Variants in CYLD observed in about 807,000 individuals in gnomAD.
CYLD encodes CYLD lysine 63 deubiquitinase, also known as ubiquitin carboxyl-terminal hydrolase CYLD.
In CYLD, 26 loss-of-function variants were observed where a neutral mutation model predicts 104.5. The observed-to-expected ratio is 0.25, with a 90% CI of 0.18 to 0.35. The LOEUF (loss-of-function observed/expected upper bound fraction) is 0.35. Ranked by LOEUF, CYLD falls within the 10% of genes least tolerant of loss-of-function variation. The pLI is 1.00. For missense variants in CYLD, 703 were observed against 1,136.1 expected, an observed-to-expected ratio of 0.62 and a Z score of 5.48; for synonymous variants, 385 against 399.9, an observed-to-expected ratio of 0.96 and a Z score of 0.45.
intron 8 of CYLD, among the ~76,000 whole-genome samples, chr16:50,779,348 GT>G (rs543538632): frequency 2.2e-3 from 336 of 151,872 alleles, no homozygotes; most frequent in Admixed American, 4.2e-3. Context: ...GTTTCTTAAG[GT>G]TTTCGGTATC....
intron 3 of CYLD, 66 bp from the exon 4 acceptor site, chr16:50,751,538 G>A: frequency 6.9e-7 from 1 of 1,445,678 alleles, no homozygotes; most frequent in Non-Finnish European, 9.7e-7. Flanking sequence ...AATCCCTAGA[G>A]TGAACCCCTT....
At chr16:50,793,771 G>GT in intron 17 of CYLD, 107 bp downstream of exon 17, 1 of 825,682 alleles carries the variant, frequency 1.2e-6, no homozygotes, top group Non-Finnish European at 2.1e-6. Context: ...ATAATTAACG[G>GT]TTAAAAATTC....
chr16:50,785,529 T>TA (rs1380835934), intron 12 of CYLD: 3 of 152,198 alleles, frequency 2.0e-5, no homozygotes, highest in Non-Finnish European at 2.9e-5. Flanking sequence ...TTTTTAAACA[T>TA]ACGATTTTTT....
rs575513221 is a variant in CYLD, at chr16:50,769,820, A to G, written c.914-5346A>G. The stretch of plus-strand genomic sequence containing the variant: ...TCCCTCTTCCTCCTGCCCCATCCTT[A>G]ACCTCTGACAACCACTCATCTGCTG... On this transcript the variant is annotated intron_variant, in intron 5 of 18. Coordinates refer to ENST00000427738, the MANE Select transcript of CYLD (RefSeq NM_001378743.1). Among the ~76,000 whole-genome samples, 3 of 152,244 alleles carry G rather than the reference A, an allele frequency of 2.0e-5. No homozygotes were observed. The East Asian group carries it at 5.8e-4, about 29-fold the overall frequency.
At position 50,750,105 on chromosome 16, in the gene CYLD, G is replaced by A. The variant is rs1379197300; in HGVS notation, c.407G>A (p.Arg136Lys). Residue 136 changes from arginine to lysine, a missense_variant, in exon 3 of 19, where the codon AGA (arginine) becomes AAA (lysine). This residue lies in a region of CYLD where 142 missense variants were observed against 165.1 expected (regional missense o/e 0.86). Transcript: ENST00000427738. Reference sequence around the variant, plus strand: ...GGCTGTCCTGTGAAAGTACAGCTGAGATCTGGGGAAGAAAAATTTCCTGGA... The same window carrying A: ...GGCTGTCCTGTGAAAGTACAGCTGAAATCTGGGGAAGAAAAATTTCCTGGA... Reference protein sequence around the residue: ...DVGCPVKVQLRSGEEKFPGVV... With the variant: ...DVGCPVKVQLKSGEEKFPGVV... The A allele has an allele frequency of 1.2e-6, 2 of 1,614,138 alleles. No individual in the cohort carries two copies. The highest frequency in any genetic ancestry group is 1.7e-6 in the Non-Finnish European group (2 of 1,179,986).
In CYLD at chr16:50,801,575, A is replaced by G. The variant is rs1232486137; in HGVS notation, c.*5067A>G. 8.6e-6 allele frequency: 2 copies of G among 233,662 alleles called. No individual in the cohort carries two copies. Among genetic ancestry groups the G allele is most frequent in the Non-Finnish European group, 1.7e-5 (2 of 118,008 alleles). 14.5% of individuals were successfully genotyped at this position (233,662 alleles called of 1,614,324 possible). ...AAATGGCCTAGTACTGTGGAATTTT[A>G]ATTTTAGAAAGTCTTAGCATCAGAT... On this transcript the variant is annotated 3_prime_UTR_variant, in exon 19 of 19. Coordinates refer to ENST00000427738, the MANE Select transcript of CYLD (RefSeq NM_001378743.1).
chr16:50,772,487 A>G (rs528479061), intron 5 of CYLD, among the ~76,000 whole-genome samples: 1 of 152,346 alleles, frequency 6.6e-6, no homozygotes, highest in South Asian at 2.1e-4. Context: ...AACAATAGAT[A>G]TTAGAGATTA....
At chr16:50,791,451 C>A in intron 14 of CYLD, 107 bp from the exon 15 acceptor site, 1 of 1,150,010 alleles carries the variant, frequency 8.7e-7, no homozygotes, top group Non-Finnish European at 1.3e-6. Context: ...GCTACACCAT[C>A]AATTTTATGG....
intron 9 of CYLD, among the ~76,000 whole-genome samples, 172 bp downstream of exon 9, chr16:50,780,216 G>A (rs558105995): frequency 3.9e-5 from 6 of 152,208 alleles, no homozygotes; most frequent in East Asian, 3.9e-4. Flanking sequence ...TGAAGCTTGC[G>A]ACCCACTTGT....
At chr16:50,768,472 G>A (rs930351496) in intron 5 of CYLD, among the ~76,000 whole-genome samples, 1 of 152,170 alleles carries the variant, frequency 6.6e-6, no homozygotes, top group African/African-American at 2.4e-5. Context: ...TCTTTTCAGA[G>A]CAGTTGAATG....
chr16:50,777,896 T>C lies in CYLD; in HGVS notation c.1093T>C (p.Ser365Pro). 1 of 1,607,764 alleles carries C rather than the reference T, an allele frequency of 6.2e-7. No homozygotes were observed. Among genetic ancestry groups the C allele is most frequent in the Non-Finnish European group, 8.5e-7 (1 of 1,174,632 alleles). The change falls in exon 8 of 19, where the codon TCA becomes CCA. Residue 365 changes from serine (S) to proline (P), a missense_variant. This residue lies in a region of CYLD where 183 missense variants were observed against 212.1 expected (regional missense o/e 0.86). Coordinates refer to ENST00000427738, the MANE Select transcript of CYLD (RefSeq NM_001378743.1). ...TACCTTAAATGGGTCTTCTGTTGAC[T>C]CACAACCACAATCCAAATCAAAAAA... ...FYTLNGSSVD[S>P]QPQSKSKNTW...
At chr16:50,775,206 C>T (rs367826703) in intron 6 of CYLD, 32 bp downstream of exon 6, 224 of 1,580,848 alleles carry the variant, frequency 1.4e-4, no homozygotes, top group Non-Finnish European at 1.8e-4. Flanking sequence ...TTGGACTCCA[C>T]GGATGTATTG....
chr16:50,773,047 A>G (rs957614795), intron 5 of CYLD, among the ~76,000 whole-genome samples: 2 of 152,216 alleles, frequency 1.3e-5, no homozygotes, highest in African/African-American at 4.8e-5. Flanking sequence ...CGGGTTTAAT[A>G]ATACCTCATT....
chr16:50,794,686 T>C lies in CYLD; in HGVS notation c.2686+258T>C. 2.1e-6 allele frequency: 1 copy of C among 472,590 alleles called. No individual in the cohort carries two copies. The highest frequency in any genetic ancestry group is 3.9e-6 in the Non-Finnish European group (1 of 258,044). 29.3% of individuals were successfully genotyped at this position (472,590 alleles called of 1,614,324 possible). A position where few individuals can be genotyped will look rare whatever the true frequency, so the allele number is the denominator to read the frequency against. On this transcript the variant is annotated intron_variant, in intron 18 of 18. Coordinates refer to ENST00000427738, the MANE Select transcript of CYLD (RefSeq NM_001378743.1). This position sits in a 1 kb window ranked among gnomAD's most constrained non-coding sequence, Gnocchi z 4.1. ...CCCAGGCTGGAGTGCAGCAGCGTGATCTTGGCTCATTGCAACCTCCACCTC... is the reference window on the plus strand; with the variant it reads ...CCCAGGCTGGAGTGCAGCAGCGTGACCTTGGCTCATTGCAACCTCCACCTC...
chr16:50,764,156 T>A (rs895617393), intron 5 of CYLD, among the ~76,000 whole-genome samples: 17 of 152,188 alleles, frequency 1.1e-4, no homozygotes, highest in African/African-American at 3.6e-4. Flanking sequence ...TGGCCTATAC[T>A]TTTTCCCTTT....
At chr16:50,751,981 C>CTAAT in intron 4 of CYLD, 75 bp downstream of exon 4, 1 of 114,516 alleles carries the variant, frequency 8.7e-6, no homozygotes, top group Admixed American at 1.6e-4. Context: ...TATATATAAA[C>CTAAT]ATATATATAC....
At position 50,793,655 on chromosome 16, in the gene CYLD, C is replaced by A. The variant is rs769325996; in HGVS notation, c.2460C>A (p.Cys820Ter). ...AAATCAAGCAGTTTTGTAAAACCTG[C>A]AACACTCAAGTGAGCTTCCCTTCAC... ...AGKIKQFCKT[C>*]NTQVHLHPKR... Residue 820 changes from cysteine to a stop codon, truncating the protein, a stop_gained, in exon 17 of 19, where the codon TGC becomes TGA. Coordinates refer to ENST00000427738, the MANE Select transcript of CYLD (RefSeq NM_001378743.1). LOFTEE classifies it high-confidence loss of function. 1 of 1,606,256 alleles carries A rather than the reference C, an allele frequency of 6.2e-7. No homozygotes were observed. Among genetic ancestry groups the A allele is most frequent in the Non-Finnish European group, 8.5e-7 (1 of 1,172,894 alleles).
chr16:50,776,902 TA>T (rs1160690250), intron 7 of CYLD, among the ~76,000 whole-genome samples: 1 of 152,226 alleles, frequency 6.6e-6, no homozygotes, highest in Non-Finnish European at 1.5e-5. Flanking sequence ...TTGGCTCATT[TA>T]AAAGGAAATT....
chr16:50,748,421 G>T (rs1319316461), intron 2 of CYLD, among the ~76,000 whole-genome samples: 1 of 152,162 alleles, frequency 6.6e-6, no homozygotes, highest in Non-Finnish European at 1.5e-5. Context: ...AGTTGCTCAT[G>T]CCTGTAATCC....
Sources: gnomAD v4.1 joint callset for allele counts (sites outside exome capture counted in the v4.1 genomes callset) on GRCh38, gnomAD v4.1.1 for gene constraint, gnomAD v4.1.1 regional missense constraint, Gnocchi (gnomAD v3.1) non-coding constraint, MANE v1.5 for transcripts, NCBI Gene and HGNC (gene_info 2026-07-23, HGNC 2026-07-21) for gene names.